TAF1D: variants seen among roughly 807,000 people sequenced by gnomAD.
TAF1D encodes TATA box-binding protein-associated factor RNA polymerase I subunit D.
A neutral mutation model predicts 26.2 loss-of-function variants in TAF1D; 23 were observed. The ratio of observed to expected loss-of-function variants is 0.88; its 90% confidence interval spans 0.63 to 1.25. The LOEUF is 1.25. Ranked by LOEUF, TAF1D falls within the 50% of genes most tolerant of loss-of-function variation. TAF1D has a pLI of 0.00. For synonymous variants in TAF1D, 100 were observed against 105.6 expected (o/e 0.95, Z 0.33); for missense variants, 299 against 322.0 (o/e 0.93, Z 0.55).
chr11:93,730,283 G>GT lies in TAF1D; in HGVS notation c.*1167dup. On this transcript the variant is annotated 3_prime_UTR_variant and NMD_transcript_variant, in exon 12 of 12. Transcript: ENST00000323981. ...AATACATGCTGACTTTCTAGAAATAGTGTAAAGGTTTTTTAATTGTGTATA... is the reference window on the plus strand; with the variant it reads ...AATACATGCTGACTTTCTAGAAATAGTTGTAAAGGTTTTTTAATTGTGTATA... The GT allele has an allele frequency of 1.3e-6, 2 of 1,524,452 alleles. 1 individual carries two copies. The highest frequency in any genetic ancestry group is 2.4e-5 in the South Asian group (2 of 83,550). 94.4% of individuals were successfully genotyped at this position (1,524,452 alleles called of 1,614,324 possible).
chr11:93,738,481 G>A lies in TAF1D; in HGVS notation c.87C>T (p.Ser29=), dbSNP rs746678733. ...LANRSDNSSD[S]SLFKTQCIPY... is the part of the protein sequence containing the mutation. ...GGATACACTGAGTTTTAAATAAGCT[G>A]CTATCAGAAGAGTTATCACTAGAAA... The change falls in exon 3 of 6, where the codon AGC becomes AGT. Residue 29 remains serine, a synonymous_variant. Transcript: ENST00000448108. 1 of 1,573,500 alleles carries A rather than the reference G, an allele frequency of 6.4e-7. No homozygotes were observed. Among genetic ancestry groups the A allele is most frequent in the East Asian group, 2.2e-5 (1 of 44,472 alleles).
At chr11:93,732,317 T>A (rs554202390), downstream of TAF1D, 2 of 514,896 alleles carry the variant, frequency 3.9e-6, no homozygotes, top group South Asian at 2.8e-5. Flanking sequence ...TTGCTTACTA[T>A]TTTAGAGTAT....
rs890655559 is a variant in TAF1D at position 93,736,041 on chromosome 11, A to G, written c.*120T>C. ...GGTTAAAAATTTTTTTTCTTGTTAT[A>G]AAGTTCTGGGTTTCAGAATTTCTTC... On this transcript the variant is annotated 3_prime_UTR_variant, in exon 6 of 6. Coordinates refer to ENST00000448108, the MANE Select transcript of TAF1D (RefSeq NM_024116.4). 2.1e-6 allele frequency: 3 copies of G among 1,448,240 alleles called. No homozygotes were observed. Among genetic ancestry groups the G allele is most frequent in the Non-Finnish European group, 2.7e-6 (3 of 1,105,342 alleles). The allele number at this position is 1,448,240 out of a possible 1,614,324, so 89.7% of individuals were successfully genotyped here.
chr11:93,731,036 AT>A (rs779912559), downstream of TAF1D: 3 of 518,868 alleles, frequency 5.8e-6, no homozygotes, highest in African/African-American at 1.9e-5. Context: ...CTACTGGGAA[AT>A]TTTTTTATGG....
At chr11:93,738,552 C>T in intron 2 of TAF1D, 53 bp from the exon 3 acceptor site, 2 of 1,467,766 alleles carry the variant, frequency 1.4e-6, no homozygotes, top group Non-Finnish European at 1.8e-6. Context: ...CTGCTTATTA[C>T]CATTAATACC....
intron 1 of TAF1D, 29 bp from the exon 2 acceptor site, chr11:93,739,360 C>G (rs1941340257): frequency 1.0e-5 from 15 of 1,491,906 alleles, no homozygotes; most frequent in Non-Finnish European, 1.4e-5. Flanking sequence ...GTAAATATGA[C>G]AAAGCTTCCC....
At chr11:93,730,730 A>G (rs1276146752), downstream of TAF1D, 2 of 486,836 alleles carry the variant, frequency 4.1e-6, no homozygotes, top group African/African-American at 4.0e-5. Flanking sequence ...ACAATAGTAT[A>G]AAAGTAAATT....
chr11:93,734,449 A>T (rs1411091410), downstream of TAF1D: 2 of 335,200 alleles, frequency 6.0e-6, no homozygotes, highest in African/African-American at 4.3e-5. Flanking sequence ...AACTAAAATG[A>T]ATCTGACACA....
downstream of TAF1D, chr11:93,731,270 ATCTT>A (rs1938664291): frequency 2.9e-6 from 1 of 344,646 alleles, no homozygotes; most frequent in African/African-American, 2.2e-5. Context: ...ACATAAATCT[ATCTT>A]TCAAGAATGA....
chr11:93,736,685 G>C lies in TAF1D; in HGVS notation c.693+9C>G. The C allele has an allele frequency of 6.2e-7, 1 of 1,610,306 alleles. No individual in the cohort carries two copies. The highest frequency in any genetic ancestry group is 8.5e-7 in the Non-Finnish European group (1 of 1,178,904). ...CCAAAATGGAATAGGAAAAAAATAA[G>C]TCACTTACTGCCAATTTGATATCAC... On this transcript the variant is annotated intron_variant, in intron 5 of 5. Transcript: ENST00000448108.
chr11:93,741,495 G>C lies in TAF1D; in HGVS notation c.-201C>G, dbSNP rs183898916. 2 of 455,970 alleles carry C rather than the reference G, an allele frequency of 4.4e-6. No individual in the cohort carries two copies. Among genetic ancestry groups the C allele is most frequent in the Non-Finnish European group, 8.8e-6 (2 of 226,890 alleles). 28.2% of individuals were successfully genotyped at this position (455,970 alleles called of 1,614,324 possible). A position where few individuals can be genotyped will look rare whatever the true frequency, so the allele number is the denominator to read the frequency against. On this transcript the variant is annotated 5_prime_UTR_variant, in exon 1 of 6. Coordinates refer to ENST00000448108, the MANE Select transcript of TAF1D (RefSeq NM_024116.4). The stretch of plus-strand genomic sequence containing the variant: ...CTCCTCCAACCGTGCGGAAGAAAAG[G>C]GTTGGCTATTTCCGTGGCCCAAGTA...
downstream of TAF1D, chr11:93,731,030 T>C (rs1446454999): frequency 1.9e-6 from 1 of 519,110 alleles, no homozygotes; most frequent in African/African-American, 1.9e-5. Context: ...GAAAACCTAC[T>C]GGGAAATTTT....
At chr11:93,734,073 G>A (rs983367153), downstream of TAF1D, 2 of 152,594 alleles carry the variant, frequency 1.3e-5, no homozygotes, top group African/African-American at 4.8e-5. Context: ...AAGTCTAACT[G>A]TTGTTATGAA....
At chr11:93,735,195 G>A (rs767357879), downstream of TAF1D, 17 of 1,352,016 alleles carry the variant, frequency 1.3e-5, no homozygotes, top group Non-Finnish European at 1.7e-5. Flanking sequence ...GCACCTATCT[G>A]TAAGTCTTTG....
downstream of TAF1D, chr11:93,734,891 G>GT: frequency 2.6e-6 from 2 of 783,622 alleles, no homozygotes; most frequent in Non-Finnish European, 3.5e-6. Flanking sequence ...CCCTTTCTGA[G>GT]TAACTCCAAC....
chr11:93,737,297 G>C (rs1017653924), intron 3 of TAF1D, 58 bp from the exon 4 acceptor site: 2 of 1,314,464 alleles, frequency 1.5e-6, no homozygotes, highest in African/African-American at 3.0e-5. Flanking sequence ...CCCAGCAGGT[G>C]CCTATGTTCA....
intron 1 of TAF1D, among the ~76,000 whole-genome samples, chr11:93,740,287 T>A (rs1181751190): frequency 6.6e-6 from 1 of 151,594 alleles, no homozygotes; most frequent in Non-Finnish European, 1.5e-5. Flanking sequence ...CTACAAAAAA[T>A]TCTTAAAATA....
At chr11:93,739,399 T>G in intron 1 of TAF1D, 68 bp from the exon 2 acceptor site, 1 of 1,057,998 alleles carries the variant, frequency 9.5e-7, no homozygotes, top group South Asian at 1.5e-5. Flanking sequence ...ACTACAGTGT[T>G]GAACGTGGTC....
At chr11:93,734,705 G>A (rs1045071264), downstream of TAF1D, 3 of 1,285,140 alleles carry the variant, frequency 2.3e-6, no homozygotes, top group Admixed American at 4.6e-5. Flanking sequence ...CATGAAATTG[G>A]AATGCAAAAT....
Sources: gnomAD v4.1 joint callset for allele counts (sites outside exome capture counted in the v4.1 genomes callset) on GRCh38, gnomAD v4.1.1 for gene constraint, MANE v1.5 for transcripts, NCBI Gene and HGNC (gene_info 2026-07-23, HGNC 2026-07-21) for gene names.